The following KCNMA1 variants were observed in gnomAD, a reference collection of about 807,000 sequenced individuals.
KCNMA1 encodes the protein potassium calcium-activated channel subfamily M alpha 1.
In KCNMA1, 29 loss-of-function variants were observed where a neutral mutation model predicts 140.0. The ratio of observed to expected loss-of-function variants is 0.21; its 90% CI spans 0.15 to 0.28. The LOEUF (loss-of-function observed/expected upper bound fraction) is 0.28, where lower values mean the gene tolerates loss of function less well. Ranked by LOEUF, KCNMA1 falls within the 10% of genes least tolerant of loss-of-function variation. KCNMA1 has a pLI of 1.00. For synonymous variants in KCNMA1, 612 were observed against 611.9 expected (o/e 1.00, Z 0.00); for missense variants, 880 against 1,602.2 (o/e 0.55, Z 7.70).
chr10:77,265,318 C>T (rs915523229), intron 2 of KCNMA1, among the ~76,000 whole-genome samples: 2 of 152,220 alleles, frequency 1.3e-5, no homozygotes, highest in African/African-American at 4.8e-5. Flanking sequence ...TCCCAAAGTG[C>T]TGGGATTACA....
chr10:77,544,173 T>TGTGTGC (rs1238029615), intron 1 of KCNMA1, among the ~76,000 whole-genome samples: 1 of 151,740 alleles, frequency 6.6e-6, no homozygotes, highest in Non-Finnish European at 1.5e-5. Context: ...TGTGTGTGTG[T>TGTGTGC]GTGTGTGTGT....
At chr10:77,293,327 C>A (rs1456281260) in intron 2 of KCNMA1, among the ~76,000 whole-genome samples, 1 of 152,146 alleles carries the variant, frequency 6.6e-6, no homozygotes, top group African/African-American at 2.4e-5. Flanking sequence ...AGAGAGCTAC[C>A]CCTCCTAATG....
chr10:77,007,792 C>T (rs1455157772), intron 18 of KCNMA1, among the ~76,000 whole-genome samples: 1 of 151,674 alleles, frequency 6.6e-6, no homozygotes, highest in Non-Finnish European at 1.5e-5. Flanking sequence ...GACAATTACC[C>T]CAGCTGATGA....
In KCNMA1 at chr10:77,108,120, G is replaced by T. The variant is rs1052182210; in HGVS notation, c.1223+361C>A. Among the ~76,000 whole-genome samples, 2 of 152,214 alleles carry T rather than the reference G, an allele frequency of 1.3e-5. No individual in the cohort carries two copies. Among genetic ancestry groups the T allele is most frequent in the South Asian group, 2.1e-4 (1 of 4,820 alleles). On this transcript the variant is annotated intron_variant, in intron 9 of 27. Transcript: ENST00000286628. The surrounding 1 kb of genome is among the most constrained non-coding windows in gnomAD (Gnocchi z 4.6). ...TTTGTGAATGGGAGTTGGTCCAAGC[G>T]TGGCAACGTCCTCGGGTCACCTCTG... is the stretch of plus-strand genomic sequence containing the variant.
chr10:77,090,453 G>A lies in KCNMA1; in HGVS notation c.1281C>T (p.Asp427=), dbSNP rs2096786496. Residue 427 remains aspartate (D), a synonymous_variant, in exon 10 of 28, where the codon GAC becomes GAT. Coordinates refer to ENST00000286628, the MANE Select transcript of KCNMA1 (RefSeq NM_001161352.2). Reference sequence around the variant, plus strand: ...CGTCATCCCGGTCCTTGTGCAGAAAGTCCTTCAGGAAGTTGGAAACACTCT... The same window carrying A: ...CGTCATCCCGGTCCTTGTGCAGAAAATCCTTCAGGAAGTTGGAAACACTCT... ...TLESVSNFLK[D]FLHKDRDDVN... The A allele has an allele frequency of 6.2e-7, 1 of 1,614,032 alleles. No individual in the cohort carries two copies. Among genetic ancestry groups the A allele is most frequent in the Admixed American group, 1.7e-5 (1 of 60,004 alleles).
intron 5 of KCNMA1, among the ~76,000 whole-genome samples, chr10:77,160,838 A>T (rs1054330647): frequency 1.3e-5 from 2 of 152,216 alleles, no homozygotes; most frequent in Non-Finnish European, 2.9e-5. Context: ...CACTCCTTCC[A>T]TATGTTATGT....
intron 2 of KCNMA1, among the ~76,000 whole-genome samples, chr10:77,392,349 A>ATATT (rs781027220): frequency 1.3e-5 from 2 of 152,068 alleles, no homozygotes; most frequent in African/African-American, 2.4e-5. Flanking sequence ...AACTACTCAC[A>ATATT]TATTTGCCCA....
intron 1 of KCNMA1, among the ~76,000 whole-genome samples, chr10:77,448,218 A>G (rs1400849739): frequency 6.6e-6 from 1 of 152,194 alleles, no homozygotes; most frequent in African/African-American, 2.4e-5. Flanking sequence ...CAGCCCCTCA[A>G]GCTGCTAGAA....
At chr10:76,908,507 G>C (rs2048733618) in intron 25 of KCNMA1, among the ~76,000 whole-genome samples, 1 of 152,204 alleles carries the variant, frequency 6.6e-6, no homozygotes, top group African/African-American at 2.4e-5. Flanking sequence ...ACAATGTTCA[G>C]GCATACAGAA....
chr10:77,267,837 C>T (rs904388324), intron 2 of KCNMA1, among the ~76,000 whole-genome samples: 68 of 152,144 alleles, frequency 4.5e-4, no homozygotes, highest in African/African-American at 1.6e-3. Flanking sequence ...AGCTTTCAGT[C>T]CCTGGGGACA....
intron 5 of KCNMA1, among the ~76,000 whole-genome samples, chr10:77,158,457 C>T (rs1044941064): frequency 6.6e-6 from 1 of 152,120 alleles, no homozygotes; most frequent in Non-Finnish European, 1.5e-5. Context: ...GACCTGATCA[C>T]TCGGCCATGG....
At chr10:77,164,933 TA>T (rs1166621122) in intron 5 of KCNMA1, among the ~76,000 whole-genome samples, 2 of 152,134 alleles carry the variant, frequency 1.3e-5, no homozygotes, top group African/African-American at 4.8e-5. Flanking sequence ...TTTTCCCATC[TA>T]AAATATGTTT....
rs149898820 is a variant in KCNMA1 at position 76,969,841 on chromosome 10, C to T, written c.2360+133G>A. The T allele has an allele frequency of 2.6e-3, 1,844 of 713,202 alleles. 32 individuals are homozygous for T. The African/African-American group carries it at 0.029, about 11-fold the overall frequency. 44.2% of individuals were successfully genotyped at this position (713,202 alleles called of 1,614,324 possible). A position where few individuals can be genotyped will look rare whatever the true frequency, so the allele number is the denominator to read the frequency against. ...CTCCAGCCTTTAAGAAGCCATCTAA[C>T]GATCTCGCTCCCCTCCCCCACCCCG... On this transcript the variant is annotated intron_variant, in intron 20 of 27. Coordinates refer to ENST00000286628, the MANE Select transcript of KCNMA1 (RefSeq NM_001161352.2).
intron 2 of KCNMA1, among the ~76,000 whole-genome samples, chr10:77,343,891 C>A (rs1831214700): frequency 1.3e-5 from 2 of 152,166 alleles, no homozygotes; most frequent in South Asian, 4.1e-4. Flanking sequence ...GTCATTGAGG[C>A]TATTGAGAAG....
intron 1 of KCNMA1, among the ~76,000 whole-genome samples, chr10:77,556,179 ATTATAG>A (rs1284901660): frequency 1.3e-5 from 2 of 152,254 alleles, no homozygotes; most frequent in East Asian, 3.9e-4. Flanking sequence ...TAAAAATGGT[ATTATAG>A]TTCTCAAAGT....
At chr10:77,218,312 A>G (rs78312250) in intron 3 of KCNMA1, among the ~76,000 whole-genome samples, 5,700 of 152,234 alleles carry the variant, frequency 0.037, 150 homozygotes, top group Non-Finnish European at 0.049. Flanking sequence ...AACCATTTAA[A>G]CCATTTAAAA....
intron 20 of KCNMA1, among the ~76,000 whole-genome samples, chr10:76,962,363 G>A (rs1429620619): frequency 6.6e-6 from 1 of 152,158 alleles, no homozygotes; most frequent in Non-Finnish European, 1.5e-5. Context: ...CTTATCACAC[G>A]ATAAGGCCTT....
At chr10:77,486,169 G>A (rs918187894) in intron 1 of KCNMA1, among the ~76,000 whole-genome samples, 3 of 152,128 alleles carry the variant, frequency 2.0e-5, no homozygotes, top group Non-Finnish European at 4.4e-5. Context: ...GCCGTGGCCA[G>A]GACAGACCTT....
At chr10:77,572,671 G>T (rs112728740) in intron 1 of KCNMA1, among the ~76,000 whole-genome samples, 2 of 128,302 alleles carry the variant, frequency 1.6e-5, no homozygotes, top group South Asian at 5.0e-4. Context: ...CAGGATAATC[G>T]CTTGAGCTCG....
Sources: allele counts gnomAD v4.1 joint callset (sites outside exome capture counted in the v4.1 genomes callset), GRCh38; gene constraint gnomAD v4.1.1; non-coding constraint Gnocchi (gnomAD v3.1); transcripts MANE v1.5; gene names NCBI Gene and HGNC (gene_info 2026-07-23, HGNC 2026-07-21).